The following CACNA2D3 variants were observed in gnomAD, a reference collection of about 807,000 sequenced individuals.
CACNA2D3 encodes voltage-dependent calcium channel subunit alpha-2/delta-3.
A neutral mutation model predicts 160.6 loss-of-function variants in CACNA2D3; 60 were observed. That is an observed-to-expected ratio of 0.37 (90% CI 0.30 to 0.46). CACNA2D3 has a LOEUF of 0.46. Among genes scored for constraint, CACNA2D3 ranks in the 20% least tolerant of loss-of-function variants. The pLI, the probability that CACNA2D3 is intolerant of heterozygous loss-of-function variation, is 1.00. For synonymous variants in CACNA2D3, 558 were observed against 492.9 expected (o/e 1.13, Z -1.75); for missense variants, 1,205 against 1,365.0 (o/e 0.88, Z 1.85).
At chr3:54,828,309 T>A (rs1387957358) in intron 14 of CACNA2D3, among the ~76,000 whole-genome samples, 1 of 152,200 alleles carries the variant, frequency 6.6e-6, no homozygotes, top group Non-Finnish European at 1.5e-5. Flanking sequence ...CAATGCCTCA[T>A]GATAATTTTC....
chr3:55,059,788 G>T lies in CACNA2D3; in HGVS notation c.2988-13657G>T, dbSNP rs983557498. Reference sequence around the variant, plus strand: ...AGGTGGCACTCAGTGGGATGGATTGGGGGGTGGAAAGGGATGGAATGGGAA... The same window carrying T: ...AGGTGGCACTCAGTGGGATGGATTGTGGGGTGGAAAGGGATGGAATGGGAA... On this transcript the variant is annotated intron_variant, in intron 35 of 37. Coordinates refer to ENST00000474759, the MANE Select transcript of CACNA2D3 (RefSeq NM_018398.3). 2.5e-4 allele frequency among the ~76,000 whole-genome samples: 38 copies of T among 152,040 alleles called. 2 individuals are homozygous for T.
intron 4 of CACNA2D3, among the ~76,000 whole-genome samples, chr3:54,496,562 G>A (rs948708849): frequency 3.3e-5 from 5 of 152,134 alleles, no homozygotes; most frequent in East Asian, 3.8e-4. Context: ...TCAGATGTGT[G>A]TATTACGAAT....
At chr3:54,549,470 AC>A (rs1217026245) in intron 5 of CACNA2D3, among the ~76,000 whole-genome samples, 1 of 152,130 alleles carries the variant, frequency 6.6e-6, no homozygotes, top group African/African-American at 2.4e-5. Flanking sequence ...CAACAAACAA[AC>A]AAAAAAACAA....
At position 54,489,087 on chromosome 3, in the gene CACNA2D3, G is replaced by A. The variant is rs193048388; in HGVS notation, c.382-14405G>A. Among the ~76,000 whole-genome samples, 32 of 152,282 alleles carry A rather than the reference G, an allele frequency of 2.1e-4. No individual in the cohort carries two copies. The East Asian group carries it at 2.1e-3, about 10-fold the overall frequency. ...AGGGAGGCTGAATGGAGGGAGCAGT[G>A]GGGAGGTGGTGCTGGTGTGGCTGGC... On this transcript the variant is annotated intron_variant, in intron 4 of 37. Coordinates refer to ENST00000474759, the MANE Select transcript of CACNA2D3 (RefSeq NM_018398.3).
chr3:55,019,602 G>T (rs9843154), intron 35 of CACNA2D3, among the ~76,000 whole-genome samples: 39,199 of 151,920 alleles, frequency 0.26, 5,232 homozygotes, highest in African/African-American at 0.32. Context: ...GATTTCTGTA[G>T]ATTGAATATT....
chr3:54,909,620 A>C (rs1385672496), intron 27 of CACNA2D3, among the ~76,000 whole-genome samples: 1 of 151,654 alleles, frequency 6.6e-6, no homozygotes, highest in Non-Finnish European at 1.5e-5. Context: ...ACTTTCTTAA[A>C]ACATTATGAG....
chr3:54,670,291 T>C (rs1700136423), intron 11 of CACNA2D3, among the ~76,000 whole-genome samples: 1 of 152,108 alleles, frequency 6.6e-6, no homozygotes, highest in African/African-American at 2.4e-5. Flanking sequence ...TGTTAATAAA[T>C]TAGGTGCACA....
At position 55,041,864 on chromosome 3, in the gene CACNA2D3, G is replaced by A. The variant is rs543119698; in HGVS notation, c.2987+23547G>A. On this transcript the variant is annotated intron_variant, in intron 35 of 37. Transcript: ENST00000474759. ...TTGATATGATGCCTTTTACTGTCTT[G>A]TAGTTTAAATATTTTCTAATCTGCA... Among the ~76,000 whole-genome samples the A allele has an allele frequency of 4.2e-4, 64 of 152,088 alleles. No individual in the cohort carries two copies. In the South Asian group the frequency reaches 0.013, roughly 31 times the overall value.
At chr3:54,324,449 A>G (rs1704078267) in intron 3 of CACNA2D3, among the ~76,000 whole-genome samples, 1 of 152,196 alleles carries the variant, frequency 6.6e-6, no homozygotes, top group African/African-American at 2.4e-5. Flanking sequence ...GAGGCTAGCA[A>G]GTTATAAATA....
At chr3:54,524,145 A>C (rs1485267666) in intron 5 of CACNA2D3, among the ~76,000 whole-genome samples, 1 of 152,078 alleles carries the variant, frequency 6.6e-6, no homozygotes, top group Non-Finnish European at 1.5e-5. Flanking sequence ...TGCAGCTATA[A>C]ATTTTTCTCT....
intron 5 of CACNA2D3, among the ~76,000 whole-genome samples, chr3:54,513,790 A>G (rs1575497465): frequency 6.6e-6 from 1 of 152,024 alleles, no homozygotes; most frequent in Non-Finnish European, 1.5e-5. Flanking sequence ...AAGTGATTCT[A>G]CTGCCTCAGC....
intron 2 of CACNA2D3, among the ~76,000 whole-genome samples, chr3:54,295,223 G>A (rs1703313445): frequency 6.6e-6 from 1 of 152,132 alleles, no homozygotes; most frequent in African/African-American, 2.4e-5. Context: ...TTTTGAGGCT[G>A]GGGATTCAAG....
Position 54,840,848 on chromosome 3 carries a change from G to A in CACNA2D3, c.1551+2200G>A, listed in dbSNP as rs187792097. 7.6e-3 allele frequency among the ~76,000 whole-genome samples: 1,093 copies of A among 144,674 alleles called. 9 individuals carry two copies. The highest frequency in any genetic ancestry group is 0.026 in the African/African-American group (989 of 38,680). The allele number at this position is 144,674 out of a possible 152,430, so 94.9% of individuals were successfully genotyped here. A position where few individuals can be genotyped will look rare whatever the true frequency, so the allele number is the denominator to read the frequency against. On this transcript the variant is annotated intron_variant, in intron 16 of 37. Transcript: ENST00000474759. ...CGCCATTCTCCTGCCTCAGCCCCCC[G>A]AGTAGCTGGGACTACAGGTGCCCGC...
chr3:54,587,155 G>A (rs142662740), intron 9 of CACNA2D3, among the ~76,000 whole-genome samples: 3 of 151,852 alleles, frequency 2.0e-5, no homozygotes, highest in African/African-American at 7.2e-5. Context: ...ATAATAAAGA[G>A]CCAAACTCAA....
intron 21 of CACNA2D3, among the ~76,000 whole-genome samples, chr3:54,882,189 A>G (rs1461282909): frequency 6.6e-6 from 1 of 152,212 alleles, no homozygotes; most frequent in African/African-American, 2.4e-5. Context: ...TCTGTGGGCC[A>G]TGTTGGCTCT....
intron 11 of CACNA2D3, among the ~76,000 whole-genome samples, chr3:54,654,200 C>T (rs1246660658): frequency 6.6e-6 from 1 of 151,966 alleles, no homozygotes; most frequent in Admixed American, 6.6e-5. Flanking sequence ...GGGGTCTTGC[C>T]AAAAGTGATT....
At chr3:54,898,315 T>C (rs1011107049) in intron 26 of CACNA2D3, among the ~76,000 whole-genome samples, 4 of 150,308 alleles carry the variant, frequency 2.7e-5, no homozygotes, top group Non-Finnish European at 5.9e-5. Flanking sequence ...CTCTGCCTTC[T>C]GGGTTCAAGC....
chr3:54,460,695 T>G (rs1700486941), intron 4 of CACNA2D3, among the ~76,000 whole-genome samples: 1 of 152,322 alleles, frequency 6.6e-6, no homozygotes, highest in South Asian at 2.1e-4. Flanking sequence ...TGGGGTTTTC[T>G]AGATATACAA....
chr3:54,972,752 C>T (rs528327991), intron 29 of CACNA2D3, among the ~76,000 whole-genome samples: 2 of 152,288 alleles, frequency 1.3e-5, no homozygotes, highest in Admixed American at 1.3e-4. Flanking sequence ...CTTTGGTTGG[C>T]CCAGTCAGAA....
Sources: gnomAD v4.1 joint callset for allele counts (sites outside exome capture counted in the v4.1 genomes callset) on GRCh38, gnomAD v4.1.1 for gene constraint, MANE v1.5 for transcripts, NCBI Gene and HGNC (gene_info 2026-07-23, HGNC 2026-07-21) for gene names.